The following TCTN1 variants were observed in gnomAD, a reference collection of about 807,000 sequenced individuals.
TCTN1 encodes tectonic family member 1.
TCTN1 carries 58 observed loss-of-function variants against 65.8 expected under a neutral mutation model. The observed-to-expected ratio is 0.88, with a 90% CI of 0.71 to 1.10. The LOEUF is 1.10. Ranked by LOEUF, TCTN1 falls within the 50% of genes least tolerant of loss-of-function variation. TCTN1 has a pLI of 0.00. For missense variants in TCTN1, 645 were observed against 719.4 expected (o/e 0.90, Z 1.18); for synonymous variants, 273 against 289.1 (o/e 0.94, Z 0.57).
chr12:110,620,395 G>A (rs909157311), intron 2 of TCTN1, among the ~76,000 whole-genome samples: 2 of 151,186 alleles, frequency 1.3e-5, no homozygotes, highest in Admixed American at 6.6e-5. Flanking sequence ...GTGACAGAGC[G>A]AGACTCAGTC....
chr12:110,632,486 G>A lies in TCTN1; in HGVS notation c.639G>A (p.Leu213=). The A allele has an allele frequency of 1.2e-6, 2 of 1,613,888 alleles. No homozygotes were observed. The highest frequency in any genetic ancestry group is 1.7e-6 in the Non-Finnish European group (2 of 1,179,856). ...TGTGTTTGCAGTATGGGGTTCCTCT[G>A]CAGACTTCAGATTCGTTTCTGAGAT... ...TAAKYEYGVP[L]QTSDSFLRFP... The change falls in exon 5 of 15, where the codon CTG becomes CTA. Residue 213 remains leucine (L), a synonymous_variant. Coordinates refer to ENST00000397659, the MANE Select transcript of TCTN1 (RefSeq NM_001082538.3).
chr12:110,631,559 A>G (rs909145151), intron 4 of TCTN1, among the ~76,000 whole-genome samples: 2 of 152,052 alleles, frequency 1.3e-5, no homozygotes, highest in Non-Finnish European at 2.9e-5. Context: ...GCTTGAACCC[A>G]GGAAGCGGAG....
chr12:110,625,574 G>C (rs1319936107), intron 2 of TCTN1: 1 of 151,732 alleles, frequency 6.6e-6, no homozygotes. Context: ...GTGAAACCCT[G>C]TCTCTAATAA....
intron 1 of TCTN1, among the ~76,000 whole-genome samples, chr12:110,618,182 C>T (rs1264986399): frequency 1.3e-5 from 2 of 151,022 alleles, no homozygotes; most frequent in African/African-American, 4.9e-5. Context: ...AAACGATTCT[C>T]CTGCCTCAGC....
chr12:110,626,589 G>A, intron 3 of TCTN1, 97 bp downstream of exon 3: 2 of 1,311,466 alleles, frequency 1.5e-6, no homozygotes, highest in Non-Finnish European at 2.1e-6. Context: ...TTATGATTAT[G>A]GTTTTTTTGA....
At chr12:110,617,928 T>A in intron 1 of TCTN1, among the ~76,000 whole-genome samples, 1 of 151,626 alleles carries the variant, frequency 6.6e-6, no homozygotes, top group Non-Finnish European at 1.5e-5. Flanking sequence ...CTTGAGCCAC[T>A]GCATCCGGCC....
At position 110,618,016 on chromosome 12, in the gene TCTN1, A is replaced by G. The variant is rs115623150; in HGVS notation, c.221-1820A>G. The stretch of plus-strand genomic sequence containing the variant: ...GTACAAATAAGAATGTTGGGTGGAC[A>G]CTAGCAGCATTTGCTTCAGATTCCT... On this transcript the variant is annotated intron_variant, in intron 1 of 14. Transcript: ENST00000397659. 8.1e-3 allele frequency among the ~76,000 whole-genome samples: 1,232 copies of G among 151,612 alleles called. 26 individuals carry two copies. Among genetic ancestry groups the G allele is most frequent in the African/African-American group, 0.028 (1,145 of 41,314 alleles).
intron 6 of TCTN1, among the ~76,000 whole-genome samples, chr12:110,634,987 A>G (rs1180362223): frequency 2.0e-5 from 3 of 151,916 alleles, no homozygotes; most frequent in African/African-American, 7.3e-5. Flanking sequence ...GCTTTTGTTG[A>G]TTTTTTTCTT....
chr12:110,619,886 T>C lies in TCTN1; in HGVS notation c.271T>C (p.Cys91Arg). The change falls in exon 2 of 15, where the codon TGC (cysteine) becomes CGC (arginine). Residue 91 changes from cysteine (C) to arginine (R), a missense_variant. Coordinates refer to ENST00000397659, the MANE Select transcript of TCTN1 (RefSeq NM_001082538.3). ...ATCCCCAGCACAGTGTGACATCAAC[T>C]GCTGCTGTGATCCCGACTGCAGCTC... is the stretch of plus-strand genomic sequence containing the variant. Reference protein sequence around the residue: ...DLSPAQCDINCCCDPDCSSVD... With the variant: ...DLSPAQCDINRCCDPDCSSVD... The C allele has an allele frequency of 1.2e-6, 2 of 1,614,186 alleles. No homozygotes were observed. The highest frequency in any genetic ancestry group is 2.2e-5 in the East Asian group (1 of 44,884).
At chr12:110,623,746 G>T (rs949505087) in intron 2 of TCTN1, among the ~76,000 whole-genome samples, 1 of 152,072 alleles carries the variant, frequency 6.6e-6, no homozygotes, top group East Asian at 1.9e-4. Context: ...CTGCCAGCAT[G>T]CCGGGCTAAT....
At chr12:110,648,701 A>G in intron 14 of TCTN1, 1 of 233,578 alleles carries the variant, frequency 4.3e-6, no homozygotes, top group Non-Finnish European at 8.4e-6. Flanking sequence ...CCATTTCTGC[A>G]CCAGGCACTG....
chr12:110,614,691 T>C (rs1371137971), intron 1 of TCTN1, among the ~76,000 whole-genome samples: 1 of 152,212 alleles, frequency 6.6e-6, no homozygotes, highest in Non-Finnish European at 1.5e-5. Context: ...AGAGCAATAA[T>C]GAATTCTTGC....
chr12:110,647,574 G>C lies in TCTN1; in HGVS notation c.1636-175G>C, dbSNP rs1012724528. ...AATTATGATATTCACGTGTTAATCAGACACCCTGGTAAAATTGTTTCTCTC... is the reference window on the plus strand; with the variant it reads ...AATTATGATATTCACGTGTTAATCACACACCCTGGTAAAATTGTTTCTCTC... On this transcript the variant is annotated intron_variant, in intron 13 of 14. Coordinates refer to ENST00000397659, the MANE Select transcript of TCTN1 (RefSeq NM_001082538.3). 2.8e-6 allele frequency: 3 copies of C among 1,075,436 alleles called. No homozygotes were observed. In the African/African-American group the frequency reaches 4.7e-5, roughly 17 times the overall value. 66.6% of individuals were successfully genotyped at this position (1,075,436 alleles called of 1,614,324 possible). A position where few individuals can be genotyped will look rare whatever the true frequency, so the allele number is the denominator to read the frequency against.
At chr12:110,628,341 C>CTTTTTTTT in intron 3 of TCTN1, 1 of 837,478 alleles carries the variant, frequency 1.2e-6, no homozygotes, top group Non-Finnish European at 1.7e-6. Flanking sequence ...GAAAAATACA[C>CTTTTTTTT]TTTTTTTTTT....
intron 7 of TCTN1, among the ~76,000 whole-genome samples, chr12:110,638,097 A>G (rs2066700674): frequency 6.8e-6 from 1 of 146,676 alleles, no homozygotes; most frequent in Admixed American, 6.7e-5. Flanking sequence ...CAGGAGATGA[A>G]TGAGCTGCCC....
chr12:110,622,895 C>T (rs1473203554), intron 2 of TCTN1, among the ~76,000 whole-genome samples: 1 of 152,138 alleles, frequency 6.6e-6, no homozygotes, highest in Non-Finnish European at 1.5e-5. Flanking sequence ...ATTGCAGATG[C>T]GGATTAACGG....
At chr12:110,631,861 C>T (rs1201343196) in intron 4 of TCTN1, among the ~76,000 whole-genome samples, 1 of 152,070 alleles carries the variant, frequency 6.6e-6, no homozygotes, top group Non-Finnish European at 1.5e-5. Context: ...ACCAGATTGC[C>T]CTCCAGAAAA....
intron 5 of TCTN1, 98 bp from the exon 6 acceptor site, chr12:110,634,572 G>A (rs925040917): frequency 2.2e-6 from 2 of 921,868 alleles, no homozygotes; most frequent in African/African-American, 1.7e-5. Context: ...TTATTTTACA[G>A]TTTTACCTAG....
chr12:110,634,488 G>A, intron 5 of TCTN1, 182 bp from the exon 6 acceptor site: 1 of 616,472 alleles, frequency 1.6e-6, no homozygotes, highest in Non-Finnish European at 2.9e-6. Flanking sequence ...ACCAGTCTGG[G>A]CAACACGGTG....
Sources: allele counts gnomAD v4.1 joint callset (sites outside exome capture counted in the v4.1 genomes callset), GRCh38; gene constraint gnomAD v4.1.1; transcripts MANE v1.5; gene names NCBI Gene and HGNC (gene_info 2026-07-23, HGNC 2026-07-21).